DNAJC18: variants seen among roughly 807,000 people sequenced by gnomAD.
The protein encoded by DNAJC18 is dnaJ homolog subfamily C member 18.
Under a neutral mutation model 48.6 loss-of-function variants are expected in DNAJC18, and 40 were observed. The ratio of observed to expected loss-of-function variants is 0.82; its 90% CI spans 0.64 to 1.07. DNAJC18 has a LOEUF of 1.07. Ranked by LOEUF, DNAJC18 falls within the 50% of genes least tolerant of loss-of-function variation. The pLI, the probability that DNAJC18 is intolerant of heterozygous loss-of-function variation, is 0.00. For missense variants in DNAJC18, 340 were observed against 427.7 expected, an observed-to-expected ratio of 0.79 and a Z score of 1.81; for synonymous variants, 135 against 152.2, an observed-to-expected ratio of 0.89 and a Z score of 0.83.
Position 139,414,217 on chromosome 5 carries a change from T to C in DNAJC18, c.1008A>G (p.Lys336=). 1 of 1,614,204 alleles carries C rather than the reference T, an allele frequency of 6.2e-7. No homozygotes were observed. Among genetic ancestry groups the C allele is most frequent in the Non-Finnish European group, 8.5e-7 (1 of 1,180,034 alleles). ...GLYRDERLKQ[K]AESLKLENCE... ...AGTTTTCAAGTTTCAGCGACTCTGC[T>C]TTCTGTTTCAATCGTTCATCTCTGT... Residue 336 remains lysine (K), a synonymous_variant, in exon 8 of 8, where the codon AAA becomes AAG. Transcript: ENST00000302060.
At chr5:139,436,740 A>G (rs1419684330) in intron 2 of DNAJC18, among the ~76,000 whole-genome samples, 1 of 151,862 alleles carries the variant, frequency 6.6e-6, no homozygotes, top group Non-Finnish European at 1.5e-5. Flanking sequence ...TAGTTCCTTA[A>G]GGTAGATTAG....
intron 7 of DNAJC18, among the ~76,000 whole-genome samples, chr5:139,416,216 T>C (rs1017256307): frequency 1.3e-5 from 2 of 152,246 alleles, no homozygotes; most frequent in Non-Finnish European, 2.9e-5. Context: ...TAATATTCAA[T>C]AAATTCTAAG....
chr5:139,417,656 C>T (rs1377167285), intron 7 of DNAJC18, among the ~76,000 whole-genome samples: 6 of 151,334 alleles, frequency 4.0e-5, no homozygotes. Flanking sequence ...AGACTGCAAC[C>T]TCCGCCTCCC....
chr5:139,416,386 G>T (rs1444748853), intron 7 of DNAJC18, among the ~76,000 whole-genome samples: 1 of 152,134 alleles, frequency 6.6e-6, no homozygotes, highest in African/African-American at 2.4e-5. Flanking sequence ...GCAAGACCCA[G>T]AACCTCTCCT....
Position 139,432,243 on chromosome 5 carries a change from C to T in DNAJC18, c.228-3560G>A, listed in dbSNP as rs551370749. Among the ~76,000 whole-genome samples, 64 of 152,028 alleles carry T rather than the reference C, an allele frequency of 4.2e-4. 1 individual carries two copies. Among genetic ancestry groups the T allele is most frequent in the African/African-American group, 1.4e-3 (56 of 41,452 alleles). Reference sequence around the variant, plus strand: ...GCGATGGCATGTTTTCGACTCACTGCAACCTCCTCCTCCCAGGTTCAAGCA... The same window carrying T: ...GCGATGGCATGTTTTCGACTCACTGTAACCTCCTCCTCCCAGGTTCAAGCA... On this transcript the variant is annotated intron_variant, in intron 2 of 7. Transcript: ENST00000302060.
At chr5:139,435,783 G>A (rs1750644851) in intron 2 of DNAJC18, among the ~76,000 whole-genome samples, 1 of 135,704 alleles carries the variant, frequency 7.4e-6, no homozygotes, top group Admixed American at 8.6e-5. Context: ...GGTGCTCACT[G>A]TAGCCTCGCC....
intron 7 of DNAJC18, among the ~76,000 whole-genome samples, chr5:139,419,794 G>C (rs1759123472): frequency 2.6e-5 from 4 of 152,188 alleles, no homozygotes; most frequent in Admixed American, 2.6e-4. Flanking sequence ...GAGAGAGGTA[G>C]AGACTCAAAG....
rs1759175739 is a variant in DNAJC18, at chr5:139,422,812, T to C, written c.675A>G (p.Thr225=). The change falls in exon 6 of 8, where the codon ACA becomes ACG. Residue 225 remains threonine, a synonymous_variant. Transcript: ENST00000302060. ...GAAGTAGCTGAATAAATGCAGAATA[T>C]GTAGTCTGAAAAAGAAAAAAAAATA... is the stretch of plus-strand genomic sequence containing the variant. The part of the protein sequence containing the change: ...KEEEEEKPQT[T]YSAFIQLLPV... 6.3e-7 allele frequency: 1 copy of C among 1,577,590 alleles called. No individual in the cohort carries two copies. The highest frequency in any genetic ancestry group is 8.6e-7 in the Non-Finnish European group (1 of 1,169,098).
intron 1 of DNAJC18, 73 bp from the exon 2 acceptor site, chr5:139,437,631 C>G (rs1054690447): frequency 1.3e-6 from 2 of 1,517,220 alleles, no homozygotes; most frequent in African/African-American, 2.8e-5. Context: ...CCTTTCCTCT[C>G]TGGGAGGCTG....
chr5:139,429,146 C>T (rs1189778055), intron 2 of DNAJC18, among the ~76,000 whole-genome samples: 2 of 144,446 alleles, frequency 1.4e-5, no homozygotes, highest in South Asian at 4.4e-4. Flanking sequence ...TGCAATGGCG[C>T]GATCTCAGCT....
intron 7 of DNAJC18, 60 bp downstream of exon 7, chr5:139,419,993 G>T: frequency 6.9e-7 from 1 of 1,445,998 alleles, no homozygotes; most frequent in South Asian, 1.5e-5. Flanking sequence ...TCAGGAGGCT[G>T]GGGGTGCCTC....
chr5:139,428,429 G>A, intron 3 of DNAJC18, 109 bp downstream of exon 3: 1 of 1,431,560 alleles, frequency 7.0e-7, no homozygotes, highest in Non-Finnish European at 9.4e-7. Context: ...GTGGCAGGGG[G>A]AAAAAACCCT....
Position 139,411,472 on chromosome 5 carries a change from T to C in DNAJC18, c.*2676A>G, listed in dbSNP as rs1397111839. 1 of 152,168 alleles carries C rather than the reference T, an allele frequency of 6.6e-6. No homozygotes were observed. Among genetic ancestry groups the C allele is most frequent in the East Asian group, 1.9e-4 (1 of 5,196 alleles). The allele number at this position is 152,168 out of a possible 1,614,324, so 9.4% of individuals were successfully genotyped here. ...ATAAGCCCTACCTAGTTATGTATGA[T>C]CAGGAGATCTTCCAAAGGACGTAGG... On this transcript the variant is annotated 3_prime_UTR_variant, in exon 8 of 8. Coordinates refer to ENST00000302060, the MANE Select transcript of DNAJC18 (RefSeq NM_152686.4).
chr5:139,432,797 G>C (rs1194101921), intron 2 of DNAJC18, among the ~76,000 whole-genome samples: 3 of 152,138 alleles, frequency 2.0e-5, no homozygotes, highest in Non-Finnish European at 2.9e-5. Flanking sequence ...TCCATTCAAG[G>C]CTCAGGGGTT....
rs3924257 is a variant in DNAJC18 at position 139,418,036 on chromosome 5, C to G, written c.952+2017G>C. On this transcript the variant is annotated intron_variant, in intron 7 of 7. Transcript: ENST00000302060. ...GCCACAGAGGAAGATGTGGGGCAGG[C>G]GGGTGTTTGAAGAATGTGAAATGCA... Among the ~76,000 whole-genome samples, 212 of 152,060 alleles carry G rather than the reference C, an allele frequency of 1.4e-3. 2 individuals carry two copies. The highest frequency in any genetic ancestry group is 4.7e-3 in the African/African-American group (196 of 41,454).
At chr5:139,432,234 G>C (rs964936305) in intron 2 of DNAJC18, among the ~76,000 whole-genome samples, 1 of 150,478 alleles carries the variant, frequency 6.6e-6, no homozygotes, top group African/African-American at 2.5e-5. Context: ...GCATGTTTTC[G>C]ACTCACTGCA....
intron 5 of DNAJC18, 113 bp downstream of exon 5, chr5:139,424,892 T>C (rs1759211403): frequency 1.1e-6 from 1 of 932,792 alleles, no homozygotes; most frequent in African/African-American, 1.7e-5. Flanking sequence ...CTAAAGCACA[T>C]CTTTCCTAAA....
At chr5:139,416,231 TA>T (rs1240270704) in intron 7 of DNAJC18, among the ~76,000 whole-genome samples, 1 of 152,160 alleles carries the variant, frequency 6.6e-6, no homozygotes, top group Non-Finnish European at 1.5e-5. Flanking sequence ...TCTAAGTAAT[TA>T]AAAAAAATTT....
At chr5:139,437,073 A>AT (rs1205652122) in intron 2 of DNAJC18, among the ~76,000 whole-genome samples, 1 of 152,194 alleles carries the variant, frequency 6.6e-6, no homozygotes, top group Non-Finnish European at 1.5e-5. Context: ...ATCCTGGAGA[A>AT]TATTCTATGT....
Sources: gnomAD v4.1 joint callset for allele counts (sites outside exome capture counted in the v4.1 genomes callset) on GRCh38, gnomAD v4.1.1 for gene constraint, MANE v1.5 for transcripts, NCBI Gene and HGNC (gene_info 2026-07-23, HGNC 2026-07-21) for gene names.